The following EMC9 variants were observed in gnomAD, a reference collection of about 807,000 sequenced individuals.
EMC9 encodes UPF0172 protein FAM158A.
In EMC9, 20 loss-of-function variants were observed where a neutral mutation model predicts 25.0. The ratio of observed to expected loss-of-function variants is 0.80; its 90% CI spans 0.56 to 1.16. The LOEUF (loss-of-function observed/expected upper bound fraction) is 1.16, where lower values mean the gene tolerates loss of function less well. Ranked by LOEUF, EMC9 falls within the 50% of genes most tolerant of loss-of-function variation. The probability of loss-of-function intolerance (pLI) is 0.00; values close to 1 mark genes in which losing one functional copy is unlikely to be tolerated. For synonymous variants in EMC9, 100 were observed against 107.0 expected, an observed-to-expected ratio of 0.93 and a Z score of 0.40; for missense variants, 256 against 268.7, an observed-to-expected ratio of 0.95 and a Z score of 0.33.
chr14:24,141,233 G>A lies in EMC9; in HGVS notation c.72C>T (p.Ala24=). 6.2e-7 allele frequency: 1 copy of A among 1,614,204 alleles called. No individual in the cohort carries two copies. The highest frequency in any genetic ancestry group is 1.3e-5 in the African/African-American group (1 of 75,064). ...MCLHAARYPH[A]AVNGLFLAPA... ...GCGCCAAAAACAGCCCGTTGACTGCGGCGTGTGGGTACCGGGCAGCATGCA... is the reference window on the plus strand; with the variant it reads ...GCGCCAAAAACAGCCCGTTGACTGCAGCGTGTGGGTACCGGGCAGCATGCA... Residue 24 remains alanine, a synonymous_variant, in exon 2 of 6, where the codon GCC becomes GCT. Transcript: ENST00000216799.
In EMC9 at chr14:24,139,490, G is replaced by A. The variant is rs2037996379; in HGVS notation, c.346-36C>T. On this transcript the variant is annotated intron_variant, in intron 4 of 5. Coordinates refer to ENST00000216799, the MANE Select transcript of EMC9 (RefSeq NM_016049.4). The surrounding 1 kb of genome is among the most constrained non-coding windows in gnomAD (Gnocchi z 4.6). ...AAAGATGGGCAAGTGAGAGTTTCAA[G>A]GGTCCCCCCACCCTACTTGCTTTTC... 1 of 1,613,544 alleles carries A rather than the reference G, an allele frequency of 6.2e-7. No homozygotes were observed.
Position 24,141,527 on chromosome 14 carries a change from A to T in EMC9, c.-102T>A. On this transcript the variant is annotated 5_prime_UTR_variant, in exon 1 of 6. Coordinates refer to ENST00000216799, the MANE Select transcript of EMC9 (RefSeq NM_016049.4). ...CCGGAGTCCGCCCCCGGCCCAGTCCAGGAGGAGGTCCCGATTGCATCCGAG... is the reference window on the plus strand; with the variant it reads ...CCGGAGTCCGCCCCCGGCCCAGTCCTGGAGGAGGTCCCGATTGCATCCGAG... The T allele has an allele frequency of 1.7e-6, 1 of 604,920 alleles. No homozygotes were observed. The highest frequency in any genetic ancestry group is 2.8e-5 in the East Asian group (1 of 36,220). The allele number at this position is 604,920 out of a possible 1,614,324, so 37.5% of individuals were successfully genotyped here.
At position 24,139,384 on chromosome 14, in the gene EMC9, C is replaced by A. The variant is rs201407803; in HGVS notation, c.416G>T (p.Arg139Leu). The A allele has an allele frequency of 4.3e-6, 7 of 1,614,126 alleles. No individual in the cohort carries two copies. The African/African-American group carries it at 6.7e-5, about 15-fold the overall frequency. ...PVIVLENQGLRWVPKDKNLVM... is the reference protein window; with the variant it reads ...PVIVLENQGLLWVPKDKNLVM... ...CAAGTTCTTATCCTTAGGGACCCAG[C>A]GGAGACCTTGGTTCTCCAGGACGAT... Residue 139 changes from arginine to leucine, a missense_variant, in exon 5 of 6, where the codon CGC becomes CTC. Transcript: ENST00000216799. This position sits in a 1 kb window ranked among gnomAD's most constrained non-coding sequence, Gnocchi z 4.6.
At chr14:24,140,794 C>T in intron 3 of EMC9, 95 bp downstream of exon 3, 1 of 1,355,986 alleles carries the variant, frequency 7.4e-7, no homozygotes, top group Non-Finnish European at 1.0e-6. Context: ...TGTGCGCCCC[C>T]GCCCCGCCCA....
chr14:24,139,734 C>T lies in EMC9; in HGVS notation c.276-120G>A. ...AGCTGTGGCCTTTCCCTGTAGGTGGCCTGCGGGGATCGGGCCTGCTGGATG... is the reference window on the plus strand; with the variant it reads ...AGCTGTGGCCTTTCCCTGTAGGTGGTCTGCGGGGATCGGGCCTGCTGGATG... On this transcript the variant is annotated intron_variant, in intron 3 of 5. Transcript: ENST00000216799. The surrounding 1 kb of genome is among the most constrained non-coding windows in gnomAD (Gnocchi z 4.6). 1 of 1,547,510 alleles carries T rather than the reference C, an allele frequency of 6.5e-7. No homozygotes were observed. Among genetic ancestry groups the T allele is most frequent in the Non-Finnish European group, 8.7e-7 (1 of 1,144,506 alleles).
At chr14:24,140,451 G>C (rs1241875978) in intron 3 of EMC9, 1 of 153,038 alleles carries the variant, frequency 6.5e-6, no homozygotes, top group Non-Finnish European at 1.5e-5. Flanking sequence ...AAAATTAGCC[G>C]GGCATGGTGG....
Position 24,140,595 on chromosome 14 carries a change from A to G in EMC9, c.275+294T>C, listed in dbSNP as rs1270534047. ...GGAGACAGAGGGAGACTCCGTCTCA[A>G]AAAAAAAAAAAAAATCAGTCTGTTG... On this transcript the variant is annotated intron_variant, in intron 3 of 5. Transcript: ENST00000216799. 1.9e-4 allele frequency among the ~76,000 whole-genome samples: 28 copies of G among 147,020 alleles called. No homozygotes were observed. The East Asian group carries it at 3.0e-3, about 16-fold the overall frequency.
intron 3 of EMC9, 101 bp downstream of exon 3, chr14:24,140,788 C>A (rs893433614): frequency 6.2e-6 from 8 of 1,292,194 alleles, no homozygotes; most frequent in African/African-American, 4.4e-5. Context: ...TCATCTTGTG[C>A]GCCCCCGCCC....
At position 24,139,943 on chromosome 14, in the gene EMC9, A is replaced by C. The variant is rs936109622; in HGVS notation, c.276-329T>G. 6.4e-6 allele frequency: 3 copies of C among 468,870 alleles called. No individual in the cohort carries two copies. The highest frequency in any genetic ancestry group is 9.3e-4 in the Middle Eastern group (2 of 2,160). 29.0% of individuals were successfully genotyped at this position (468,870 alleles called of 1,614,324 possible). On this transcript the variant is annotated intron_variant, in intron 3 of 5. Transcript: ENST00000216799. This position sits in a 1 kb window ranked among gnomAD's most constrained non-coding sequence, Gnocchi z 4.6. ...TTCTACTTATAAAGAATTTATGGTAATCATAGGACAGTGTCTGTAATAAAA... is the reference window on the plus strand; with the variant it reads ...TTCTACTTATAAAGAATTTATGGTACTCATAGGACAGTGTCTGTAATAAAA...
In EMC9 at chr14:24,139,765, T is replaced by G; in HGVS notation, c.276-151A>C. On this transcript the variant is annotated intron_variant, in intron 3 of 5. Coordinates refer to ENST00000216799, the MANE Select transcript of EMC9 (RefSeq NM_016049.4). This position sits in a 1 kb window ranked among gnomAD's most constrained non-coding sequence, Gnocchi z 4.6. ...GGGATCGGGCCTGCTGGATGCTTGA[T>G]GCACGACTGCTTGATGCTTGAGTGC... is the stretch of plus-strand genomic sequence containing the variant. 1 of 1,544,774 alleles carries G rather than the reference T, an allele frequency of 6.5e-7. No individual in the cohort carries two copies. Among genetic ancestry groups the G allele is most frequent in the Non-Finnish European group, 8.7e-7 (1 of 1,143,438 alleles).
chr14:24,141,239 T>C lies in EMC9; in HGVS notation c.66A>G (p.Pro22=), dbSNP rs1233645754. ...AAAACAGCCCGTTGACTGCGGCGTG[T>C]GGGTACCGGGCAGCATGCAGGCACA... ...VKMCLHAARY[P]HAAVNGLFLA... is the part of the protein sequence containing the mutation. The change falls in exon 2 of 6, where the codon CCA becomes CCG. Residue 22 remains proline, a synonymous_variant. Coordinates refer to ENST00000216799, the MANE Select transcript of EMC9 (RefSeq NM_016049.4). The C allele has an allele frequency of 6.2e-7, 1 of 1,613,908 alleles. No homozygotes were observed. The highest frequency in any genetic ancestry group is 8.5e-7 in the Non-Finnish European group (1 of 1,180,010).
Position 24,139,098 on chromosome 14 carries a change from T to A in EMC9, c.539A>T (p.Asp180Val), listed in dbSNP as rs751331558. 1.2e-6 allele frequency: 2 copies of A among 1,614,146 alleles called. No individual in the cohort carries two copies. Among genetic ancestry groups the A allele is most frequent in the Admixed American group, 3.3e-5 (2 of 60,026 alleles). The change falls in exon 6 of 6, where the codon GAT becomes GTT. Residue 180 changes from aspartate (D) to valine (V), a missense_variant. Coordinates refer to ENST00000216799, the MANE Select transcript of EMC9 (RefSeq NM_016049.4). The surrounding 1 kb of genome is among the most constrained non-coding windows in gnomAD (Gnocchi z 4.6). The stretch of plus-strand genomic sequence containing the variant: ...GTTGGTCCAGTCCTGCCGGATGTCA[T>A]CAAGGTGGCAGTCAAAGTCCACAAG... ...QHLVDFDCHL[D>V]DIRQDWTNQR...
At chr14:24,141,376 C>G (rs2139059822) in intron 1 of EMC9, 60 bp from the exon 2 acceptor site, 1 of 1,531,732 alleles carries the variant, frequency 6.5e-7, no homozygotes, top group Admixed American at 1.7e-5. Flanking sequence ...GCCTAGCTCG[C>G]GTCCGTGAAG....
Position 24,139,766 on chromosome 14 carries a change from G to A in EMC9, c.276-152C>T, listed in dbSNP as rs1367374053. The A allele has an allele frequency of 6.5e-7, 1 of 1,544,410 alleles. No individual in the cohort carries two copies. Among genetic ancestry groups the A allele is most frequent in the African/African-American group, 1.4e-5 (1 of 72,910 alleles). On this transcript the variant is annotated intron_variant, in intron 3 of 5. Coordinates refer to ENST00000216799, the MANE Select transcript of EMC9 (RefSeq NM_016049.4). The surrounding 1 kb of genome is among the most constrained non-coding windows in gnomAD (Gnocchi z 4.6). ...GGATCGGGCCTGCTGGATGCTTGAT[G>A]CACGACTGCTTGATGCTTGAGTGCT...
rs371231907 is a variant in EMC9, at chr14:24,139,343, G to A, written c.440+17C>T. The A allele has an allele frequency of 3.1e-6, 5 of 1,613,086 alleles. No individual in the cohort carries two copies. Among genetic ancestry groups the A allele is most frequent in the African/African-American group, 1.3e-5 (1 of 74,884 alleles). On this transcript the variant is annotated intron_variant, in intron 5 of 5. Transcript: ENST00000216799. The surrounding 1 kb of genome is among the most constrained non-coding windows in gnomAD (Gnocchi z 4.6). The stretch of plus-strand genomic sequence containing the variant: ...CCTTGGGCTTCTAAGAAGAGGTAGA[G>A]GGAGTGGGGTACTCACAAGTTCTTA...
chr14:24,139,512 T>G lies in EMC9; in HGVS notation c.345+33A>C. ...CAAGGGTCCCCCCACCCTACTTGCT[T>G]TTCACCTCCCCACCCAGAAACCCAA... is the stretch of plus-strand genomic sequence containing the variant. On this transcript the variant is annotated intron_variant, in intron 4 of 5. Transcript: ENST00000216799. This position sits in a 1 kb window ranked among gnomAD's most constrained non-coding sequence, Gnocchi z 4.6. The G allele has an allele frequency of 1.2e-6, 2 of 1,612,652 alleles. No homozygotes were observed. Among genetic ancestry groups the G allele is most frequent in the Non-Finnish European group, 1.7e-6 (2 of 1,179,172 alleles).
At chr14:24,140,369 C>T (rs969603294) in intron 3 of EMC9, 3 of 151,512 alleles carry the variant, frequency 2.0e-5, no homozygotes, top group African/African-American at 4.8e-5. Context: ...AAGTTCTAGA[C>T]CAGCCTGGCC....
rs760638096 is a variant in EMC9 at position 24,141,102 on chromosome 14, G to A, written c.198+5C>T. 1 of 1,614,028 alleles carries A rather than the reference G, an allele frequency of 6.2e-7. No individual in the cohort carries two copies. Among genetic ancestry groups the A allele is most frequent in the Non-Finnish European group, 8.5e-7 (1 of 1,180,034 alleles). ...CGGTGGGGGATGGGCATCCAACGGA[G>A]GCACCTGGTTGAGGGCGACCTCCAA... On this transcript the variant is annotated splice_donor_5th_base_variant and intron_variant, in intron 2 of 5. Transcript: ENST00000216799.
chr14:24,141,577 G>T lies in EMC9; in HGVS notation c.-152C>A. ...GCCCCGCCTTCCCGCGCCCCTAGCT[G>T]GCGGCCGCGACTCTGCGCCTGCCTG... On this transcript the variant is annotated 5_prime_UTR_variant, in exon 1 of 6. Transcript: ENST00000216799. 1 of 578,370 alleles carries T rather than the reference G, an allele frequency of 1.7e-6. No individual in the cohort carries two copies. Among genetic ancestry groups the T allele is most frequent in the South Asian group, 2.0e-5 (1 of 49,766 alleles). 35.8% of individuals were successfully genotyped at this position (578,370 alleles called of 1,614,324 possible). A position where few individuals can be genotyped will look rare whatever the true frequency, so the allele number is the denominator to read the frequency against.
Sources: gnomAD v4.1 joint callset for allele counts (sites outside exome capture counted in the v4.1 genomes callset) on GRCh38, gnomAD v4.1.1 for gene constraint, Gnocchi (gnomAD v3.1) non-coding constraint, MANE v1.5 for transcripts, NCBI Gene and HGNC (gene_info 2026-07-23, HGNC 2026-07-21) for gene names.